Variants in ATM observed in about 807,000 individuals in gnomAD.
ATM encodes the protein serine-protein kinase ATM.
Under a neutral mutation model 387.0 loss-of-function variants are expected in ATM, and 308 were observed. The ratio of observed to expected loss-of-function variants is 0.80; its 90% CI spans 0.73 to 0.87. The LOEUF (loss-of-function observed/expected upper bound fraction) is 0.87. Ranked by LOEUF, ATM falls within the 40% of genes least tolerant of loss-of-function variation. The pLI is 0.00. For missense variants in ATM, 3,312 were observed against 3,560.9 expected (o/e 0.93, Z 1.78); for synonymous variants, 1,156 against 1,187.3 (o/e 0.97, Z 0.54).
chr11:108,284,178 A>T (rs2135703129), intron 25 of ATM, 49 bp from the exon 26 acceptor site: 1 of 1,416,396 alleles, frequency 7.1e-7, no homozygotes, highest in Non-Finnish European at 9.6e-7. Context: ...ATAAAATTTT[A>T]CTTGGAAAAG....
chr11:108,344,368 A>G (rs227074), intron 57 of ATM, among the ~76,000 whole-genome samples: 82,033 of 151,964 alleles, frequency 0.54, 22,681 homozygotes, highest in Middle Eastern at 0.74. Flanking sequence ...AGGAGAGGAG[A>G]CATGAGCAGG....
At chr11:108,282,598 G>T in intron 24 of ATM, 112 bp from the exon 25 acceptor site, 1 of 1,045,620 alleles carries the variant, frequency 9.6e-7, no homozygotes. Context: ...AGGAAATCAA[G>T]AAAAGTTGAA....
At position 108,326,245 on chromosome 11, in the gene ATM, T is replaced by A; in HGVS notation, c.6975+20T>A. The A allele has an allele frequency of 6.2e-7, 1 of 1,613,994 alleles. No individual in the cohort carries two copies. Among genetic ancestry groups the A allele is most frequent in the Non-Finnish European group, 8.5e-7 (1 of 1,179,940 alleles). On this transcript the variant is annotated intron_variant, in intron 47 of 62. Transcript: ENST00000675843. Reference sequence around the variant, plus strand: ...GCAGCGGTTTGTTTTTTTTATTGGCTGGATTAGTGTTTTACTGTTATTTAA... The same window carrying A: ...GCAGCGGTTTGTTTTTTTTATTGGCAGGATTAGTGTTTTACTGTTATTTAA...
intron 13 of ATM, among the ~76,000 whole-genome samples, chr11:108,255,862 C>G (rs1055039042): frequency 2.0e-5 from 3 of 152,182 alleles, no homozygotes; most frequent in Admixed American, 1.3e-4. Context: ...ACTGTAATTT[C>G]TACTTGTGTT....
At chr11:108,273,975 G>A (rs1227351093) in intron 22 of ATM, among the ~76,000 whole-genome samples, 1 of 152,182 alleles carries the variant, frequency 6.6e-6, no homozygotes, top group East Asian at 1.9e-4. Flanking sequence ...ACCCCTGGTA[G>A]AATTCGGCTG....
In ATM at chr11:108,229,281, A is replaced by G. The variant is rs1565347206; in HGVS notation, c.289A>G (p.Ile97Val). Residue 97 changes from isoleucine to valine, a missense_variant, in exon 4 of 63, where the codon ATC becomes GTC. By Grantham distance (29) the Ile-to-Val change is conservative (BLOSUM62 3). Around this residue, in one of 4 missense-constraint regions of ATM, gnomAD observed 1,791 missense variants for 1,804.5 expected, o/e 0.99. Coordinates refer to ENST00000675843, the MANE Select transcript of ATM (RefSeq NM_000051.4). ...QASRQKKMQE[I>V]SSLVKYFIKC... ...CTCCAGGCAGAAAAAGATGCAGGAA[A>G]TCAGTAGTTTGGTCAAATACTTCAT... 6.2e-7 allele frequency: 1 copy of G among 1,613,846 alleles called. No individual in the cohort carries two copies. The highest frequency in any genetic ancestry group is 1.1e-5 in the South Asian group (1 of 91,068).
intron 23 of ATM, 88 bp from the exon 24 acceptor site, chr11:108,280,906 CA>C: frequency 1.6e-6 from 2 of 1,246,826 alleles, no homozygotes; most frequent in East Asian, 2.5e-5. Flanking sequence ...TATAGCTTGT[CA>C]AAAAATCTGG....
At position 108,330,365 on chromosome 11, in the gene ATM, C is replaced by T. The variant is rs2086130320; in HGVS notation, c.7459C>T (p.Leu2487Phe). The T allele has an allele frequency of 6.2e-7, 1 of 1,614,048 alleles. No individual in the cohort carries two copies. The highest frequency in any genetic ancestry group is 1.1e-5 in the South Asian group (1 of 91,084). Residue 2487 changes from leucine to phenylalanine, a missense_variant, in exon 50 of 63, where the codon CTT becomes TTT. By Grantham distance (22) the Leu-to-Phe change is conservative. Around this residue, in one of 4 missense-constraint regions of ATM, gnomAD observed 1,405 missense variants for 1,604.4 expected, o/e 0.88. Transcript: ENST00000675843. Reference sequence around the variant, plus strand: ...AGAACATGATATGTGGGTATTCCGACTTTGTTCCCTCTGGCTTGAAAATTC... The same window carrying T: ...AGAACATGATATGTGGGTATTCCGATTTTGTTCCCTCTGGCTTGAAAATTC... ...GEEHDMWVFR[L>F]CSLWLENSGV...
chr11:108,306,041 T>C (rs921936165), intron 37 of ATM, among the ~76,000 whole-genome samples: 3 of 152,190 alleles, frequency 2.0e-5, no homozygotes, highest in Non-Finnish European at 4.4e-5. Flanking sequence ...TCAGCAAAGG[T>C]TGTGATTACT....
chr11:108,364,949 T>C, intron 61 of ATM, 133 bp from the exon 62 acceptor site: 1 of 937,280 alleles, frequency 1.1e-6, no homozygotes, highest in Non-Finnish European at 1.6e-6. Flanking sequence ...ACATGAAGTG[T>C]GCATGATGTT....
At chr11:108,293,557 T>TA in intron 31 of ATM, 80 bp downstream of exon 31, 1 of 1,238,182 alleles carries the variant, frequency 8.1e-7, no homozygotes, top group Non-Finnish European at 1.2e-6. Flanking sequence ...GCTCTAGCAG[T>TA]AAAAAATGGA....
At chr11:108,275,059 G>T (rs1331484307) in intron 22 of ATM, among the ~76,000 whole-genome samples, 4 of 152,146 alleles carry the variant, frequency 2.6e-5, no homozygotes, top group Admixed American at 6.5e-5. Context: ...CCTGTATTGG[G>T]TGCATATATA....
At chr11:108,315,766 A>G (rs2136114083) in intron 40 of ATM, 57 bp from the exon 41 acceptor site, 1 of 1,417,264 alleles carries the variant, frequency 7.1e-7, no homozygotes, top group Non-Finnish European at 9.9e-7. Flanking sequence ...AAAATTTGCT[A>G]AATTTATAGA....
rs959820109 is a variant in ATM at position 108,365,698 on chromosome 11, T to C, written c.*190T>C. The C allele has an allele frequency of 1.1e-5, 8 of 727,328 alleles. No homozygotes were observed. The African/African-American group carries it at 1.2e-4, about 11-fold the overall frequency. 45.1% of individuals were successfully genotyped at this position (727,328 alleles called of 1,614,324 possible). On this transcript the variant is annotated 3_prime_UTR_variant, in exon 63 of 63. Transcript: ENST00000675843. ...TGTTTTGATGGTCTTAAGGAACATC[T>C]CTGCTTTCACTCTTTAGAAATAATG...
chr11:108,267,249 G>T lies in ATM; in HGVS notation c.2545G>T (p.Val849Leu), dbSNP rs1591587875. Residue 849 changes from valine (V) to leucine (L), a missense_variant, in exon 17 of 63, where the codon GTG (valine) becomes TTG (leucine). Physicochemically the swap from Val to Leu is conservative, Grantham distance 32 (BLOSUM62 1). Around this residue, in one of 4 missense-constraint regions of ATM, gnomAD observed 1,791 missense variants for 1,804.5 expected, o/e 0.99. Transcript: ENST00000675843. ...TGATACTAATGGAAATCTAATGGAG[G>T]TGGAGGATCAGTCATCCATGAATCT... The part of the protein sequence containing the change: ...EDDTNGNLME[V>L]EDQSSMNLFN... 3 of 1,614,102 alleles carry T rather than the reference G, an allele frequency of 1.9e-6. No individual in the cohort carries two copies. Among genetic ancestry groups the T allele is most frequent in the South Asian group, 1.1e-5 (1 of 91,078 alleles).
chr11:108,310,428 A>G, intron 39 of ATM, 113 bp downstream of exon 39: 1 of 1,032,708 alleles, frequency 9.7e-7, no homozygotes, highest in South Asian at 1.7e-5. Flanking sequence ...GATATTTTAG[A>G]TAGAAATTTT....
chr11:108,261,530 G>A (rs1023042286), intron 16 of ATM, among the ~76,000 whole-genome samples: 11 of 151,986 alleles, frequency 7.2e-5, no homozygotes, highest in Non-Finnish European at 1.6e-4. Context: ...ACAAAGATGG[G>A]GAAAAAACAG....
chr11:108,257,672 T>C, intron 15 of ATM, 66 bp downstream of exon 15: 3 of 1,493,190 alleles, frequency 2.0e-6, no homozygotes, highest in South Asian at 2.3e-5. Flanking sequence ...CAGGCTGGAG[T>C]GCAGTGGGAT....
Position 108,266,164 on chromosome 11 carries a change from G to T in ATM, c.2467-1007G>T, listed in dbSNP as rs374792036. On this transcript the variant is annotated intron_variant, in intron 16 of 62. Coordinates refer to ENST00000675843, the MANE Select transcript of ATM (RefSeq NM_000051.4). Reference sequence around the variant, plus strand: ...TACCCAAAGGACTATAAATCATGCCGCTATAAAGACACATGCACACGTATG... The same window carrying T: ...TACCCAAAGGACTATAAATCATGCCTCTATAAAGACACATGCACACGTATG... Among the ~76,000 whole-genome samples the T allele has an allele frequency of 1.1e-4, 16 of 147,284 alleles. No homozygotes were observed. In the East Asian group the frequency reaches 1.6e-3, roughly 15 times the overall value.
Sources: gnomAD v4.1 joint callset for allele counts (sites outside exome capture counted in the v4.1 genomes callset) on GRCh38, gnomAD v4.1.1 for gene constraint, gnomAD v4.1.1 regional missense constraint, MANE v1.5 for transcripts, NCBI Gene and HGNC (gene_info 2026-07-23, HGNC 2026-07-21) for gene names.